The following CDH22 variants were observed in gnomAD, a reference collection of about 807,000 sequenced individuals.
The protein encoded by CDH22 is cadherin 22, also known as cadherin-22.
CDH22 carries 30 observed loss-of-function variants against 58.4 expected under a neutral mutation model. The observed-to-expected ratio is 0.51, with a 90% CI of 0.38 to 0.70. The LOEUF is 0.70. Ranked by LOEUF, CDH22 falls within the 30% of genes least tolerant of loss-of-function variation. The pLI, the probability that CDH22 is intolerant of heterozygous loss-of-function variation, is 0.00. For synonymous variants in CDH22, 513 were observed against 558.2 expected, an observed-to-expected ratio of 0.92 and a Z score of 1.14; for missense variants, 1,014 against 1,233.9, an observed-to-expected ratio of 0.82 and a Z score of 2.67.
intron 1 of CDH22, among the ~76,000 whole-genome samples, chr20:46,305,028 T>C (rs539551394): frequency 6.6e-6 from 1 of 152,322 alleles, no homozygotes; most frequent in South Asian, 2.1e-4. Context: ...GTCAACAACC[T>C]GCCCAACTGC....
chr20:46,226,322 G>T (rs1568665428), intron 4 of CDH22, among the ~76,000 whole-genome samples: 1 of 139,142 alleles, frequency 7.2e-6, no homozygotes, highest in African/African-American at 2.8e-5. Context: ...GTCTTGCTCT[G>T]TTGCTCAGGC....
At chr20:46,176,397 C>T (rs781260001) in intron 11 of CDH22, among the ~76,000 whole-genome samples, 27 of 152,214 alleles carry the variant, frequency 1.8e-4, no homozygotes, top group Non-Finnish European at 3.1e-4. Flanking sequence ...TTCCCCACCC[C>T]GAGTCTCCCC....
At chr20:46,288,605 C>T (rs887344802) in intron 1 of CDH22, among the ~76,000 whole-genome samples, 4 of 152,310 alleles carry the variant, frequency 2.6e-5, no homozygotes, top group Admixed American at 2.6e-4. Context: ...GTCCTACCCC[C>T]AACCACACAC....
At chr20:46,224,496 A>G (rs1478556761) in intron 4 of CDH22, among the ~76,000 whole-genome samples, 1 of 152,148 alleles carries the variant, frequency 6.6e-6, no homozygotes, top group Non-Finnish European at 1.5e-5. Flanking sequence ...CCACACCTGT[A>G]TTTCACATGG....
intron 1 of CDH22, among the ~76,000 whole-genome samples, chr20:46,264,447 AAT>A (rs1160707912): frequency 7.2e-5 from 11 of 152,360 alleles, no homozygotes; most frequent in African/African-American, 2.4e-4. Flanking sequence ...CCAATTAGCT[AAT>A]AATAAGAGGT....
chr20:46,277,013 G>C (rs536302873), intron 1 of CDH22, among the ~76,000 whole-genome samples: 18 of 152,362 alleles, frequency 1.2e-4, no homozygotes, highest in African/African-American at 3.8e-4. Flanking sequence ...CCCAGGCCGG[G>C]TGCAGTGGCC....
intron 1 of CDH22, among the ~76,000 whole-genome samples, chr20:46,307,665 G>T (rs1435577409): frequency 6.6e-6 from 1 of 152,062 alleles, no homozygotes; most frequent in Non-Finnish European, 1.5e-5. Context: ...GACCAGAACC[G>T]TGCGTGTCGC....
At chr20:46,287,593 C>A (rs536961127) in intron 1 of CDH22, among the ~76,000 whole-genome samples, 1 of 151,102 alleles carries the variant, frequency 6.6e-6, no homozygotes, top group Non-Finnish European at 1.5e-5. Flanking sequence ...GAGGTTGGCA[C>A]GTCAGGAGCA....
intron 4 of CDH22, among the ~76,000 whole-genome samples, chr20:46,225,101 G>C (rs912666460): frequency 2.4e-4 from 36 of 152,240 alleles, no homozygotes; most frequent in African/African-American, 8.7e-4. Flanking sequence ...GTGAGGAGGA[G>C]GGGAAATGGA....
intron 1 of CDH22, among the ~76,000 whole-genome samples, chr20:46,270,732 A>T (rs887490236): frequency 3.9e-5 from 6 of 152,202 alleles, no homozygotes; most frequent in Admixed American, 1.3e-4. Flanking sequence ...TGGATGGAAC[A>T]GTCTGGAACT....
At chr20:46,306,737 G>A (rs6032760) in intron 1 of CDH22, among the ~76,000 whole-genome samples, 34 of 152,322 alleles carry the variant, frequency 2.2e-4, no homozygotes, top group African/African-American at 7.5e-4. Flanking sequence ...TGGGGGGGAC[G>A]AGGAAATGGT....
chr20:46,286,383 C>T (rs2086576928), intron 1 of CDH22, among the ~76,000 whole-genome samples: 1 of 152,150 alleles, frequency 6.6e-6, no homozygotes. Flanking sequence ...GGGTCTCAGT[C>T]TCACCCCATT....
intron 11 of CDH22, among the ~76,000 whole-genome samples, chr20:46,176,143 C>CA (rs1386207726): frequency 6.6e-6 from 1 of 152,172 alleles, no homozygotes; most frequent in Non-Finnish European, 1.5e-5. Flanking sequence ...TCTCTTAACT[C>CA]AGATGTCCTA....
chr20:46,226,132 A>G (rs948881601), intron 4 of CDH22, among the ~76,000 whole-genome samples: 1 of 151,898 alleles, frequency 6.6e-6, no homozygotes, highest in Non-Finnish European at 1.5e-5. Flanking sequence ...GCTGCTTACA[A>G]TTCCCCTCAT....
chr20:46,217,515 C>T (rs1223594026), intron 4 of CDH22, among the ~76,000 whole-genome samples: 1 of 152,110 alleles, frequency 6.6e-6, no homozygotes, highest in Non-Finnish European at 1.5e-5. Context: ...CACTCACAAA[C>T]ACACACTCAT....
chr20:46,191,298 C>G (rs6104497), intron 8 of CDH22, among the ~76,000 whole-genome samples: 1,555 of 152,120 alleles, frequency 0.01, 28 homozygotes, highest in African/African-American at 0.035. Context: ...GGGATCAGCA[C>G]GTGCAAAGGC....
Position 46,276,767 on chromosome 20 carries a change from G to A in CDH22, c.-399-25074C>T, listed in dbSNP as rs190812354. 3.3e-5 allele frequency among the ~76,000 whole-genome samples: 5 copies of A among 152,360 alleles called. No individual in the cohort carries two copies. In the East Asian group the frequency reaches 9.6e-4, roughly 29 times the overall value. ...AGTGGAGCTATCTGGGGAGATGGGT[G>A]TGGGCAGGGCCAGAGAAAGTGAGAC... On this transcript the variant is annotated intron_variant, in intron 1 of 11. Transcript: ENST00000537909.
At chr20:46,213,788 C>T (rs1405995444) in intron 5 of CDH22, among the ~76,000 whole-genome samples, 1 of 152,166 alleles carries the variant, frequency 6.6e-6, no homozygotes, top group Non-Finnish European at 1.5e-5. Flanking sequence ...ACCTATGATG[C>T]CCCCAGACAT....
intron 4 of CDH22, among the ~76,000 whole-genome samples, chr20:46,224,907 C>T (rs978324424): frequency 2.6e-5 from 4 of 152,332 alleles, no homozygotes; most frequent in Non-Finnish European, 4.4e-5. Flanking sequence ...CAAGAAAGGG[C>T]GCAGGCTTTT....
Sources: gnomAD v4.1 joint callset for allele counts (sites outside exome capture counted in the v4.1 genomes callset) on GRCh38, gnomAD v4.1.1 for gene constraint, MANE v1.5 for transcripts, NCBI Gene and HGNC (gene_info 2026-07-23, HGNC 2026-07-21) for gene names.